Variants in EYS observed in about 807,000 individuals in gnomAD.
The protein encoded by EYS is protein eyes shut homolog.
Under a neutral mutation model 282.1 loss-of-function variants are expected in EYS, and 250 were observed. That is an observed-to-expected ratio of 0.89 (90% CI 0.80 to 0.98). The LOEUF is 0.98. Ranked by LOEUF, EYS falls within the 50% of genes least tolerant of loss-of-function variation. The pLI is 0.00. For missense variants in EYS, 4,016 were observed against 3,709.0 expected (o/e 1.08, Z -2.15); for synonymous variants, 1,355 against 1,282.9 (o/e 1.06, Z -1.20).
intron 21 of EYS, among the ~76,000 whole-genome samples, chr6:64,819,542 T>C (rs946758283): frequency 6.6e-6 from 1 of 151,998 alleles, no homozygotes; most frequent in African/African-American, 2.4e-5. Context: ...AAAATGATTA[T>C]ACTTAAAAGA....
At chr6:64,275,519 C>G (rs1439330351) in intron 30 of EYS, among the ~76,000 whole-genome samples, 1 of 150,092 alleles carries the variant, frequency 6.7e-6, no homozygotes, top group Non-Finnish European at 1.5e-5. Flanking sequence ...CGGGTTCACG[C>G]CATTCTCCTG....
chr6:63,745,010 AAATT>A (rs1419664837), intron 41 of EYS: 2 of 429,770 alleles, frequency 4.7e-6, no homozygotes, highest in Admixed American at 5.6e-5. Flanking sequence ...CTTTTCCAAT[AAATT>A]GATGACCTGG....
At chr6:64,550,459 G>T (rs1765037016) in intron 26 of EYS, among the ~76,000 whole-genome samples, 1 of 152,070 alleles carries the variant, frequency 6.6e-6, no homozygotes, top group African/African-American at 2.4e-5. Context: ...TCTCATTGTG[G>T]TTTTGATATG....
rs143450034 is a variant in EYS at position 64,933,447 on chromosome 6, C to T, written c.2381+12346G>A. Among the ~76,000 whole-genome samples, 739 of 152,180 alleles carry T rather than the reference C, an allele frequency of 4.9e-3. 7 individuals carry two copies. Among genetic ancestry groups the T allele is most frequent in the Non-Finnish European group, 8.2e-3 (559 of 67,996 alleles). ...AACCACAATGAGATACCATTTCACG[C>T]CAGTTAGAATGGCAATCATTAAAAA... On this transcript the variant is annotated intron_variant, in intron 15 of 42. Transcript: ENST00000503581.
chr6:65,266,863 T>C (rs1462885774), intron 12 of EYS, among the ~76,000 whole-genome samples: 1 of 148,916 alleles, frequency 6.7e-6, no homozygotes, highest in Non-Finnish European at 1.5e-5. Flanking sequence ...ATAGTTGTTA[T>C]AAATACACAT....
intron 12 of EYS, among the ~76,000 whole-genome samples, chr6:65,142,271 T>G (rs555130923): frequency 6.6e-6 from 1 of 151,724 alleles, no homozygotes; most frequent in African/African-American, 2.4e-5. Flanking sequence ...TAAAATTATC[T>G]AATGGGAATC....
intron 35 of EYS, among the ~76,000 whole-genome samples, chr6:63,964,263 C>T (rs535383009): frequency 6.6e-6 from 1 of 152,292 alleles, no homozygotes; most frequent in South Asian, 2.1e-4. Context: ...TGAAGAAACC[C>T]ACTGTTTCTT....
chr6:65,555,772 C>G (rs1208304540), intron 2 of EYS, among the ~76,000 whole-genome samples: 1 of 152,106 alleles, frequency 6.6e-6, no homozygotes, highest in Admixed American at 6.5e-5. Flanking sequence ...TGAATAGTCA[C>G]TATTAGACAT....
chr6:65,226,961 G>A (rs1766642040), intron 12 of EYS, among the ~76,000 whole-genome samples: 1 of 152,090 alleles, frequency 6.6e-6, no homozygotes, highest in South Asian at 2.1e-4. Flanking sequence ...GTGGCCTAGT[G>A]CAGTGGCTCA....
In EYS at chr6:65,632,018, G is replaced by C. The variant is rs1004321350; in HGVS notation, c.-333+7760C>G. 1.7e-3 allele frequency among the ~76,000 whole-genome samples: 257 copies of C among 152,138 alleles called. 3 individuals carry two copies. Among genetic ancestry groups the C allele is most frequent in the Admixed American group, 7.1e-3 (108 of 15,298 alleles). ...GGAAATTTAATGACAGAAAGATTAT[G>C]GTAAACAATATGTCTTAGGTAACAC... On this transcript the variant is annotated intron_variant, in intron 2 of 42. Coordinates refer to ENST00000503581, the MANE Select transcript of EYS (RefSeq NM_001142800.2).
At chr6:65,702,994 A>C (rs1769734445) in intron 1 of EYS, among the ~76,000 whole-genome samples, 1 of 152,152 alleles carries the variant, frequency 6.6e-6, no homozygotes, top group Admixed American at 6.5e-5. Context: ...GCTTCATCCA[A>C]TAACTTTAAG....
intron 12 of EYS, among the ~76,000 whole-genome samples, chr6:65,106,720 T>C (rs2150186289): frequency 6.6e-6 from 1 of 152,208 alleles, no homozygotes; most frequent in Middle Eastern, 3.4e-3. Flanking sequence ...TTCACCGTTT[T>C]TAAGGTATAT....
intron 41 of EYS, among the ~76,000 whole-genome samples, chr6:63,752,498 T>TC (rs577626583): frequency 3.1e-4 from 46 of 149,380 alleles, no homozygotes; most frequent in Middle Eastern, 6.8e-3. Flanking sequence ...TAATTTCTTT[T>TC]TTTTTTTTTT....
intron 12 of EYS, among the ~76,000 whole-genome samples, chr6:65,256,538 C>G (rs1218841977): frequency 9.3e-6 from 1 of 107,082 alleles, no homozygotes; most frequent in East Asian, 2.4e-4. Flanking sequence ...TTTGTTCTTG[C>G]GATAGTTTAC....
intron 22 of EYS, among the ~76,000 whole-genome samples, chr6:64,758,124 C>T (rs1029107983): frequency 2.6e-5 from 4 of 152,130 alleles, no homozygotes; most frequent in East Asian, 1.9e-4. Context: ...TCATCTAGTA[C>T]GCACGAGTTA....
At chr6:63,956,050 A>G (rs1176794190) in intron 35 of EYS, among the ~76,000 whole-genome samples, 1 of 152,190 alleles carries the variant, frequency 6.6e-6, no homozygotes, top group Non-Finnish European at 1.5e-5. Context: ...AGCTCGAAGC[A>G]GCCTTGAGAA....
chr6:65,627,341 G>T (rs1255881144), intron 2 of EYS, among the ~76,000 whole-genome samples: 1 of 152,050 alleles, frequency 6.6e-6, no homozygotes, highest in Non-Finnish European at 1.5e-5. Context: ...CATTTGTAAT[G>T]GTACTGAGAG....
chr6:63,993,244 G>C (rs1220015075), intron 34 of EYS, among the ~76,000 whole-genome samples: 1 of 151,444 alleles, frequency 6.6e-6, no homozygotes, highest in Non-Finnish European at 1.5e-5. Flanking sequence ...TCAAGTTGAG[G>C]AACAAGATAA....
chr6:65,373,421 C>T (rs1765236259), intron 8 of EYS, among the ~76,000 whole-genome samples: 1 of 152,036 alleles, frequency 6.6e-6, no homozygotes, highest in African/African-American at 2.4e-5. Flanking sequence ...ATGCTTTCTG[C>T]TGCTTGGGAA....
Sources: allele counts gnomAD v4.1 joint callset (sites outside exome capture counted in the v4.1 genomes callset), GRCh38; gene constraint gnomAD v4.1.1; transcripts MANE v1.5; gene names NCBI Gene and HGNC (gene_info 2026-07-23, HGNC 2026-07-21).